The following CHSY3 variants were observed in gnomAD, a reference collection of about 807,000 sequenced individuals.
CHSY3 encodes N-acetylgalactosaminyl-proteoglycan 3-beta-glucuronosyltransferase 3.
Under a neutral mutation model 67.2 loss-of-function variants are expected in CHSY3, and 35 were observed. The observed-to-expected ratio is 0.52, with a 90% CI of 0.40 to 0.69. CHSY3 has a LOEUF of 0.69. CHSY3 is among the 30% of genes least tolerant of loss of function. The pLI is 0.00. For synonymous variants in CHSY3, 474 were observed against 434.7 expected, an observed-to-expected ratio of 1.09 and a Z score of -1.12; for missense variants, 1,069 against 1,138.5, an observed-to-expected ratio of 0.94 and a Z score of 0.88.
At chr5:130,012,489 G>T (rs931212355) in intron 2 of CHSY3, among the ~76,000 whole-genome samples, 8 of 152,138 alleles carry the variant, frequency 5.3e-5, no homozygotes, top group African/African-American at 1.9e-4. Context: ...AAGAAAAGAG[G>T]TTTAATTGAT....
intron 2 of CHSY3, among the ~76,000 whole-genome samples, chr5:130,007,527 G>A (rs1763908672): frequency 6.6e-6 from 1 of 152,112 alleles, no homozygotes; most frequent in Non-Finnish European, 1.5e-5. Context: ...CCTGGAGAAG[G>A]GGTGAGTTAA....
chr5:130,027,692 A>G (rs1034767973), intron 2 of CHSY3, among the ~76,000 whole-genome samples: 3 of 150,278 alleles, frequency 2.0e-5, no homozygotes, highest in African/African-American at 4.9e-5. Flanking sequence ...TCATTGTTCA[A>G]TTCCCACCTA....
At chr5:130,023,354 G>C (rs1764446837) in intron 2 of CHSY3, among the ~76,000 whole-genome samples, 1 of 151,990 alleles carries the variant, frequency 6.6e-6, no homozygotes, top group African/African-American at 2.4e-5. Context: ...TAAGGAAGAA[G>C]GGACCATAAC....
chr5:129,942,873 G>T (rs954177390), intron 2 of CHSY3, among the ~76,000 whole-genome samples: 2 of 152,088 alleles, frequency 1.3e-5, no homozygotes, highest in African/African-American at 2.4e-5. Context: ...ATATATATGA[G>T]AATAGCTTTT....
At chr5:130,180,044 A>C (rs1320235738) in intron 2 of CHSY3, among the ~76,000 whole-genome samples, 2 of 152,156 alleles carry the variant, frequency 1.3e-5, no homozygotes, top group African/African-American at 4.8e-5. Context: ...AGCTCACCTG[A>C]GTTCCTGAAC....
chr5:130,043,134 A>G lies in CHSY3; in HGVS notation c.1086+134774A>G, dbSNP rs77842546. On this transcript the variant is annotated intron_variant, in intron 2 of 2. Transcript: ENST00000305031. Reference sequence around the variant, plus strand: ...CCTTTGCCTTAAGACTGCCTCTACAAACTAGGTCAGAACACAAAAATCCCC... The same window carrying G: ...CCTTTGCCTTAAGACTGCCTCTACAGACTAGGTCAGAACACAAAAATCCCC... Among the ~76,000 whole-genome samples, 935 of 152,174 alleles carry G rather than the reference A, an allele frequency of 6.1e-3. 12 individuals are homozygous for G. Among genetic ancestry groups the G allele is most frequent in the African/African-American group, 0.021 (861 of 41,536 alleles).
intron 2 of CHSY3, among the ~76,000 whole-genome samples, chr5:129,909,339 A>G (rs866259461): frequency 2.0e-5 from 3 of 152,098 alleles, no homozygotes; most frequent in Non-Finnish European, 2.9e-5. Context: ...TATGTTTTCA[A>G]ACTTTTCATG....
intron 2 of CHSY3, chr5:130,002,015 G>A (rs1181808320): frequency 2.3e-6 from 2 of 877,534 alleles, no homozygotes; most frequent in Non-Finnish European, 2.7e-6. Flanking sequence ...TACTCTCTAA[G>A]TCCTTTTTCT....
intron 2 of CHSY3, among the ~76,000 whole-genome samples, chr5:130,182,720 C>G (rs748610148): frequency 6.6e-6 from 1 of 151,924 alleles, no homozygotes; most frequent in Non-Finnish European, 1.5e-5. Flanking sequence ...TCCTACTGAT[C>G]TGGCACTAAT....
chr5:130,157,348 A>C (rs947795008), intron 2 of CHSY3, among the ~76,000 whole-genome samples: 7 of 152,234 alleles, frequency 4.6e-5, no homozygotes, highest in Admixed American at 2.0e-4. Flanking sequence ...ATAGGACTGC[A>C]ATTCAGTAGA....
intron 2 of CHSY3, among the ~76,000 whole-genome samples, chr5:130,119,091 A>T (rs1767919966): frequency 6.6e-6 from 1 of 152,198 alleles, no homozygotes; most frequent in Non-Finnish European, 1.5e-5. Flanking sequence ...AAATGTGGTC[A>T]TTCTACCTTA....
intron 2 of CHSY3, among the ~76,000 whole-genome samples, chr5:130,018,869 G>A (rs1012925021): frequency 1.3e-5 from 2 of 151,980 alleles, no homozygotes; most frequent in South Asian, 2.1e-4. Flanking sequence ...CTCAGTTCTC[G>A]AGTGCATGGA....
At chr5:129,962,316 C>T (rs1762349192) in intron 2 of CHSY3, among the ~76,000 whole-genome samples, 1 of 151,908 alleles carries the variant, frequency 6.6e-6, no homozygotes, top group Admixed American at 6.6e-5. Flanking sequence ...CTCCTCTCTC[C>T]CTGAATTCAA....
chr5:129,941,100 G>T (rs1761683774), intron 2 of CHSY3, among the ~76,000 whole-genome samples: 1 of 152,252 alleles, frequency 6.6e-6, no homozygotes, highest in African/African-American at 2.4e-5. Context: ...ACAGAGCTGT[G>T]ATCCCATGTG....
intron 2 of CHSY3, among the ~76,000 whole-genome samples, chr5:130,163,080 AAAAT>A (rs1190021331): frequency 6.6e-6 from 1 of 152,162 alleles, no homozygotes. Context: ...ACCCATGAAG[AAAAT>A]AAATAAAGTT....
At chr5:129,943,854 A>C (rs1002334529) in intron 2 of CHSY3, among the ~76,000 whole-genome samples, 1 of 152,242 alleles carries the variant, frequency 6.6e-6, no homozygotes, top group Non-Finnish European at 1.5e-5. Flanking sequence ...AAATATTGCC[A>C]TAAAATTTGA....
chr5:130,137,141 A>C (rs1768690118), intron 2 of CHSY3, among the ~76,000 whole-genome samples: 1 of 152,198 alleles, frequency 6.6e-6, no homozygotes, highest in Middle Eastern at 3.2e-3. Flanking sequence ...TAAAAATGAG[A>C]CATAATAGGG....
In CHSY3 at chr5:129,905,059, C is replaced by A; in HGVS notation, c.230C>A (p.Pro77His). 1 of 1,546,514 alleles carries A rather than the reference C, an allele frequency of 6.5e-7. No homozygotes were observed. The highest frequency in any genetic ancestry group is 1.2e-5 in the South Asian group (1 of 84,518). The change falls in exon 1 of 3, where the codon CCC becomes CAC. Residue 77 changes from proline to histidine, a missense_variant. Physicochemically the swap from Pro to His is moderately conservative, Grantham distance 77. Coordinates refer to ENST00000305031, the MANE Select transcript of CHSY3 (RefSeq NM_175856.5). ...QSRPRQEQSP[P>H]PARQDLQGPP... ...CGACCACGGCAGGAGCAGTCGCCGC[C>A]CCCCGCGCGCCAGGATCTCCAGGGG...
At chr5:130,046,475 C>T (rs902348642) in intron 2 of CHSY3, among the ~76,000 whole-genome samples, 2 of 152,114 alleles carry the variant, frequency 1.3e-5, no homozygotes, top group Non-Finnish European at 1.5e-5. Flanking sequence ...TAATGGATTT[C>T]ATCTTGTGAT....
Sources: gnomAD v4.1 joint callset for allele counts (sites outside exome capture counted in the v4.1 genomes callset) on GRCh38, gnomAD v4.1.1 for gene constraint, MANE v1.5 for transcripts, NCBI Gene and HGNC (gene_info 2026-07-23, HGNC 2026-07-21) for gene names.